The following CD226 variants were observed in gnomAD, a reference collection of about 807,000 sequenced individuals.
CD226 encodes CD226 antigen.
Under a neutral mutation model 34.9 loss-of-function variants are expected in CD226, and 24 were observed. The ratio of observed to expected loss-of-function variants is 0.69; its 90% CI spans 0.50 to 0.97. The LOEUF (loss-of-function observed/expected upper bound fraction) is 0.97. Ranked by LOEUF, CD226 falls within the 50% of genes least tolerant of loss-of-function variation. The pLI is 0.00. For synonymous variants in CD226, 148 were observed against 147.4 expected, an observed-to-expected ratio of 1.00 and a Z score of -0.03; for missense variants, 397 against 412.7, an observed-to-expected ratio of 0.96 and a Z score of 0.33.
At chr18:69,955,617 C>T (rs1568212602) in intron 1 of CD226, among the ~76,000 whole-genome samples, 1 of 152,004 alleles carries the variant, frequency 6.6e-6, no homozygotes, top group Non-Finnish European at 1.5e-5. Context: ...CCTGTAATCC[C>T]AAAGTGAAGG....
upstream of CD226, among the ~76,000 whole-genome samples, chr18:69,949,248 C>T (rs2055826309): frequency 6.6e-6 from 1 of 152,184 alleles, no homozygotes; most frequent in African/African-American, 2.4e-5. Flanking sequence ...GACGTTAACA[C>T]ATTCCTGAGA....
At chr18:69,941,914 A>C (rs1364539341) in intron 2 of CD226, among the ~76,000 whole-genome samples, 7 of 152,162 alleles carry the variant, frequency 4.6e-5, no homozygotes, top group Middle Eastern at 3.4e-3. Context: ...TGTGGGAAGG[A>C]CCCGGTGGGA....
At chr18:69,875,685 C>G (rs2145196589) in intron 3 of CD226, among the ~76,000 whole-genome samples, 1 of 152,306 alleles carries the variant, frequency 6.6e-6, no homozygotes, top group Middle Eastern at 3.4e-3. Context: ...AGTGTTATGT[C>G]TTCTTTGGAA....
intron 3 of CD226, among the ~76,000 whole-genome samples, chr18:69,877,470 A>G (rs1294683619): frequency 6.6e-6 from 1 of 152,176 alleles, no homozygotes; most frequent in Non-Finnish European, 1.5e-5. Flanking sequence ...TTACGTAGGT[A>G]TGACTGACAA....
intron 2 of CD226, among the ~76,000 whole-genome samples, chr18:69,925,164 C>T (rs940500324): frequency 6.6e-6 from 1 of 152,172 alleles, no homozygotes; most frequent in Non-Finnish European, 1.5e-5. Context: ...CAAATGGCCA[C>T]CATGCTTCAG....
chr18:69,872,091 G>GTGTGTGTGTGTGTGT (rs768112256), intron 4 of CD226, among the ~76,000 whole-genome samples: 8 of 93,702 alleles, frequency 8.5e-5, no homozygotes, highest in South Asian at 3.6e-4. Context: ...TGTGTGTGTG[G>GTGTGTGTGTGTGTGT]TGCATTTGGT....
chr18:69,889,103 A>G (rs1984732231), intron 3 of CD226, among the ~76,000 whole-genome samples: 1 of 152,140 alleles, frequency 6.6e-6, no homozygotes, highest in Non-Finnish European at 1.5e-5. Context: ...TCAACCACAT[A>G]ATAGCCATGA....
upstream of CD226, among the ~76,000 whole-genome samples, chr18:69,948,017 A>C (rs776788573): frequency 1.3e-5 from 2 of 152,148 alleles, no homozygotes; most frequent in Non-Finnish European, 2.9e-5. Context: ...AAACAGATCA[A>C]AAGCCCATCA....
At chr18:69,893,380 T>C (rs897607966) in intron 3 of CD226, among the ~76,000 whole-genome samples, 6 of 152,252 alleles carry the variant, frequency 3.9e-5, no homozygotes, top group Admixed American at 1.3e-4. Context: ...GACAGATGAA[T>C]GACATTTTTA....
intron 3 of CD226, among the ~76,000 whole-genome samples, chr18:69,876,259 C>T (rs1333614164): frequency 1.3e-5 from 2 of 152,096 alleles, no homozygotes; most frequent in African/African-American, 2.4e-5. Context: ...GGTTAAAGTA[C>T]AGGATGTAGA....
intron 2 of CD226, among the ~76,000 whole-genome samples, chr18:69,932,706 A>G (rs1322248700): frequency 6.6e-6 from 1 of 152,164 alleles, no homozygotes; most frequent in Non-Finnish European, 1.5e-5. Context: ...ATCTTCCCTC[A>G]TGAGTAAGCT....
intron 2 of CD226, among the ~76,000 whole-genome samples, chr18:69,907,036 T>A (rs1332988575): frequency 6.6e-6 from 1 of 152,166 alleles, no homozygotes; most frequent in Non-Finnish European, 1.5e-5. Context: ...ATCCAGTGAC[T>A]GACCCTGGTA....
intron 2 of CD226, among the ~76,000 whole-genome samples, chr18:69,897,457 G>C (rs1054539544): frequency 6.6e-6 from 1 of 152,136 alleles, no homozygotes; most frequent in African/African-American, 2.4e-5. Context: ...ATCCTGACCT[G>C]CTATTTCAGT....
At chr18:69,952,983 A>G (rs1283170930) in intron 1 of CD226, among the ~76,000 whole-genome samples, 1 of 152,240 alleles carries the variant, frequency 6.6e-6, no homozygotes. Flanking sequence ...TCAGTCAATA[A>G]GGAAACACAA....
At chr18:69,928,896 A>C (rs759734800) in intron 2 of CD226, among the ~76,000 whole-genome samples, 1 of 152,218 alleles carries the variant, frequency 6.6e-6, no homozygotes, top group African/African-American at 2.4e-5. Flanking sequence ...ATTTGCACTT[A>C]ACCATGTTTG....
At chr18:69,874,354 C>T (rs766394880) in intron 3 of CD226, among the ~76,000 whole-genome samples, 2 of 152,218 alleles carry the variant, frequency 1.3e-5, no homozygotes, top group African/African-American at 2.4e-5. Context: ...TCTCACCCTT[C>T]AACCCACAGA....
At chr18:69,949,808 G>A (rs946655285), upstream of CD226, among the ~76,000 whole-genome samples, 7 of 151,296 alleles carry the variant, frequency 4.6e-5, no homozygotes, top group South Asian at 4.2e-4. Context: ...TCACATGCAT[G>A]TGCACACATA....
chr18:69,897,362 A>G (rs1322469744), intron 2 of CD226, among the ~76,000 whole-genome samples: 1 of 152,240 alleles, frequency 6.6e-6, no homozygotes, highest in African/African-American at 2.4e-5. Flanking sequence ...TCTTAAAATT[A>G]AGATAACCCA....
At chr18:69,952,997 A>G (rs2055866631) in intron 1 of CD226, among the ~76,000 whole-genome samples, 1 of 152,246 alleles carries the variant, frequency 6.6e-6, no homozygotes, top group Non-Finnish European at 1.5e-5. Context: ...AACACAAATA[A>G]GAACCACAAT....
Sources: allele counts gnomAD v4.1 joint callset (sites outside exome capture counted in the v4.1 genomes callset), GRCh38; gene constraint gnomAD v4.1.1; transcripts MANE v1.5; gene names NCBI Gene and HGNC (gene_info 2026-07-23, HGNC 2026-07-21).